The following NLRP1 variants were observed in gnomAD, a reference collection of about 807,000 sequenced individuals.
NLRP1 encodes the protein NLR family pyrin domain containing 1, also known as NACHT, LRR and PYD domains-containing protein 1.
A neutral mutation model predicts 136.7 loss-of-function variants in NLRP1; 94 were observed. That is an observed-to-expected ratio of 0.69 (90% CI 0.58 to 0.82). NLRP1 has a LOEUF of 0.82. Among genes scored for constraint, NLRP1 ranks in the 40% least tolerant of loss-of-function variants. The pLI, the probability that NLRP1 is intolerant of heterozygous loss-of-function variation, is 0.00. For missense variants in NLRP1, 1,575 were observed against 1,802.7 expected (o/e 0.87, Z 2.29); for synonymous variants, 690 against 725.1 (o/e 0.95, Z 0.78).
At chr17:5,539,942 T>C (rs1211226348) in intron 6 of NLRP1, among the ~76,000 whole-genome samples, 5 of 152,246 alleles carry the variant, frequency 3.3e-5, no homozygotes. Flanking sequence ...GTTCTCACTC[T>C]GTGTCCCAGG....
rs540676615 is a variant in NLRP1 at position 5,557,570 on chromosome 17, A to G, written c.2357+769T>C. Among the ~76,000 whole-genome samples, 6 of 152,276 alleles carry G rather than the reference A, an allele frequency of 3.9e-5. No homozygotes were observed. The South Asian group carries it at 1.2e-3, about 32-fold the overall frequency. On this transcript the variant is annotated intron_variant, in intron 4 of 16. Coordinates refer to ENST00000572272, the MANE Select transcript of NLRP1 (RefSeq NM_033004.4). Reference sequence around the variant, plus strand: ...CTTAAGGCACGTATTGTGCTTTTTAATCTGTGATCTGTAGGGCCTGGCATA... The same window carrying G: ...CTTAAGGCACGTATTGTGCTTTTTAGTCTGTGATCTGTAGGGCCTGGCATA...
chr17:5,513,205 C>T (rs1432069635), downstream of NLRP1, among the ~76,000 whole-genome samples: 1 of 152,160 alleles, frequency 6.6e-6, no homozygotes, highest in East Asian at 1.9e-4. Context: ...CAACAGAAGA[C>T]TAGTTTTCCA....
rs1017047367 is a variant in NLRP1 at position 5,530,385 on chromosome 17, A to T, written c.3520+96T>A. On this transcript the variant is annotated intron_variant, in intron 12 of 16. Transcript: ENST00000572272. ...AACCCCCCCTCGGCCCCTCTAAGGA[A>T]GCCACAACACCCTCTCCCAGGAGAT... The T allele has an allele frequency of 1.9e-5, 22 of 1,138,304 alleles. 1 individual carries two copies. In the Admixed American group the frequency reaches 4.0e-4, roughly 21 times the overall value. 70.5% of individuals were successfully genotyped at this position (1,138,304 alleles called of 1,614,324 possible).
At chr17:5,538,858 CTTG>C (rs1911452901) in intron 7 of NLRP1, among the ~76,000 whole-genome samples, 1 of 151,904 alleles carries the variant, frequency 6.6e-6, no homozygotes, top group African/African-American at 2.4e-5. Context: ...CAGCACTGTC[CTTG>C]TTTTTATTTT....
rs201764159 is a variant in NLRP1 at position 5,530,693 on chromosome 17, G to A, written c.3308C>T (p.Pro1103Leu). The A allele has an allele frequency of 6.2e-7, 1 of 1,613,886 alleles. No homozygotes were observed. The highest frequency in any genetic ancestry group is 1.3e-5 in the African/African-American group (1 of 75,054). Residue 1103 changes from proline to leucine, a missense_variant, in exon 12 of 17, where the codon CCT becomes CTT. By Grantham distance (98) the Pro-to-Leu change is moderately conservative. Coordinates refer to ENST00000572272, the MANE Select transcript of NLRP1 (RefSeq NM_033004.4). ...KEKNLYRVHFPVAGSYRWPNT... is the reference protein window; with the variant it reads ...KEKNLYRVHFLVAGSYRWPNT... Reference sequence around the variant, plus strand: ...GGGCCAGCGGTAGGAGCCAGCTACAGGGAAGTGAACTCTGGGAAGAAGAGG... The same window carrying A: ...GGGCCAGCGGTAGGAGCCAGCTACAAGGAAGTGAACTCTGGGAAGAAGAGG...
chr17:5,556,951 G>A (rs1280780136), intron 4 of NLRP1, among the ~76,000 whole-genome samples: 1 of 151,966 alleles, frequency 6.6e-6, no homozygotes, highest in Non-Finnish European at 1.5e-5. Flanking sequence ...ATTACAGAAT[G>A]ATGGAATTCT....
chr17:5,537,269 T>G lies in NLRP1; in HGVS notation c.2871-329A>C, dbSNP rs1180914268. The stretch of plus-strand genomic sequence containing the variant: ...GGGCTGGGCCTTTCTACCCCAACAT[T>G]GGCCAGTCATCGGATGTGGGCCTCC... On this transcript the variant is annotated intron_variant, in intron 7 of 16. Transcript: ENST00000572272. This position sits in a 1 kb window ranked among gnomAD's most constrained non-coding sequence, Gnocchi z 4.5. 6.6e-6 allele frequency among the ~76,000 whole-genome samples: 1 copy of G among 152,222 alleles called. No homozygotes were observed. Among genetic ancestry groups the G allele is most frequent in the African/African-American group, 2.4e-5 (1 of 41,460 alleles).
intron 3 of NLRP1, among the ~76,000 whole-genome samples, chr17:5,576,863 TA>T (rs1905075373): frequency 6.6e-6 from 1 of 152,116 alleles, no homozygotes; most frequent in African/African-American, 2.4e-5. Flanking sequence ...AAATCCTCAA[TA>T]AAATACTGGC....
At chr17:5,517,199 G>A (rs1192075024) in intron 15 of NLRP1, among the ~76,000 whole-genome samples, 1 of 152,144 alleles carries the variant, frequency 6.6e-6, no homozygotes, top group African/African-American at 2.4e-5. Flanking sequence ...ACACCATTGT[G>A]CATGGGAGAG....
Position 5,553,523 on chromosome 17 carries a change from C to G in NLRP1, c.2391G>C (p.Trp797Cys), listed in dbSNP as rs1365929872. 6.2e-7 allele frequency: 1 copy of G among 1,614,022 alleles called. No individual in the cohort carries two copies. The highest frequency in any genetic ancestry group is 1.3e-5 in the African/African-American group (1 of 74,916). Residue 797 changes from tryptophan (W) to cysteine (C), a missense_variant, in exon 5 of 17, where the codon TGG (tryptophan) becomes TGC (cysteine). Coordinates refer to ENST00000572272, the MANE Select transcript of NLRP1 (RefSeq NM_033004.4). The stretch of plus-strand genomic sequence containing the variant: ...CCTTGAGGACGGAGAAGAGAATCTG[C>G]CAATAGGCATCTGTGACTGGGACCC... ...FRWVPVTDAY[W>C]QILFSVLKVT... is the part of the protein sequence containing the mutation.
intron 3 of NLRP1, among the ~76,000 whole-genome samples, chr17:5,576,248 T>G (rs1905007646): frequency 6.6e-6 from 1 of 152,120 alleles, no homozygotes; most frequent in Non-Finnish European, 1.5e-5. Context: ...ATTCAAAAGC[T>G]AGCAGAAGGC....
intron 5 of NLRP1, among the ~76,000 whole-genome samples, chr17:5,549,930 G>A (rs1482759135): frequency 6.6e-6 from 1 of 152,068 alleles, no homozygotes; most frequent in Non-Finnish European, 1.5e-5. Context: ...TTTGTCAAAT[G>A]CTTTTTTTGT....
intron 3 of NLRP1, among the ~76,000 whole-genome samples, chr17:5,568,542 T>C (rs940058167): frequency 3.9e-5 from 6 of 152,214 alleles, no homozygotes; most frequent in Non-Finnish European, 7.4e-5. Flanking sequence ...CATATCTCTC[T>C]TTCTCCAGAA....
At chr17:5,566,669 T>C (rs1915367312) in intron 3 of NLRP1, among the ~76,000 whole-genome samples, 1 of 152,198 alleles carries the variant, frequency 6.6e-6, no homozygotes, top group Non-Finnish European at 1.5e-5. Context: ...TAAATATCTA[T>C]TAGATCCATT....
intron 10 of NLRP1, 56 bp downstream of exon 10, chr17:5,533,248 G>C: frequency 1.9e-6 from 3 of 1,551,346 alleles, no homozygotes; most frequent in Non-Finnish European, 2.6e-6. Context: ...CAGGTGGGCA[G>C]GTTGAGAGAG....
Position 5,533,927 on chromosome 17 carries a change from A to C in NLRP1, c.3022T>G (p.Ser1008Ala). ...CCGAGTCTCTGCCGCTTGAGTGAGGATGTGCTATTACTCATCTCTCCCGTA... is the reference window on the plus strand; with the variant it reads ...CCGAGTCTCTGCCGCTTGAGTGAGGCTGTGCTATTACTCATCTCTCCCGTA... ...LDTGEMSNST[S>A]SLKRQRLGSE... is the part of the protein sequence containing the mutation. Residue 1008 changes from serine to alanine, a missense_variant, in exon 9 of 17, where the codon TCC becomes GCC. Transcript: ENST00000572272. The C allele has an allele frequency of 6.2e-7, 1 of 1,612,806 alleles. No homozygotes were observed. Among genetic ancestry groups the C allele is most frequent in the Non-Finnish European group, 8.5e-7 (1 of 1,179,272 alleles).
chr17:5,530,749 T>G (rs755450319), intron 11 of NLRP1, 45 bp from the exon 12 acceptor site: 1 of 1,487,672 alleles, frequency 6.7e-7, no homozygotes, highest in Non-Finnish European at 9.3e-7. Flanking sequence ...ACGAACTCAC[T>G]GAGCACCTGC....
Position 5,533,304 on chromosome 17 carries a change from C to T in NLRP1, c.3133G>A (p.Glu1045Lys), listed in dbSNP as rs373414808. ...AGGGGCCAGGCACCGTGGCTCTTGC[C>T]TGCAATCTCAGCAATTGGGAAGATC... ...SKIFPIAEIA[E>K]ESSPEVVPVE... Residue 1045 changes from glutamate (E) to lysine (K), a missense_variant and splice_region_variant, in exon 10 of 17, where the codon GAG becomes AAG. By Grantham distance (56) the Glu-to-Lys change is moderately conservative (BLOSUM62 1). Coordinates refer to ENST00000572272, the MANE Select transcript of NLRP1 (RefSeq NM_033004.4). 1.4e-5 allele frequency: 22 copies of T among 1,549,196 alleles called. No homozygotes were observed. Among genetic ancestry groups the T allele is most frequent in the Non-Finnish European group, 1.7e-5 (20 of 1,144,780 alleles).
intron 14 of NLRP1, 49 bp downstream of exon 14, chr17:5,520,832 C>A: frequency 6.8e-7 from 1 of 1,480,604 alleles, no homozygotes; most frequent in Non-Finnish European, 9.1e-7. Context: ...CATTCATTCC[C>A]AGGTAGGACT....
Sources: allele counts gnomAD v4.1 joint callset (sites outside exome capture counted in the v4.1 genomes callset), GRCh38; gene constraint gnomAD v4.1.1; non-coding constraint Gnocchi (gnomAD v3.1); transcripts MANE v1.5; gene names NCBI Gene and HGNC (gene_info 2026-07-23, HGNC 2026-07-21).